Variants in PLRG1 observed in about 807,000 individuals in gnomAD.
The protein encoded by PLRG1 is pleiotropic regulator 1 (PRL1 homolog, Arabidopsis).
PLRG1 carries 28 observed loss-of-function variants against 74.9 expected under a neutral mutation model. The ratio of observed to expected loss-of-function variants is 0.37; its 90% CI spans 0.28 to 0.51. PLRG1 has a LOEUF of 0.51. Among genes scored for constraint, PLRG1 ranks in the 20% least tolerant of loss-of-function variants. The pLI, the probability that PLRG1 is intolerant of heterozygous loss-of-function variation, is 0.91. For missense variants in PLRG1, 445 were observed against 631.9 expected, an observed-to-expected ratio of 0.70 and a Z score of 3.17; for synonymous variants, 197 against 212.4, an observed-to-expected ratio of 0.93 and a Z score of 0.63.
intron 13 of PLRG1, 78 bp downstream of exon 13, chr4:154,537,888 TAGA>T (rs1294620427): frequency 3.7e-6 from 3 of 803,422 alleles, no homozygotes; most frequent in African/African-American, 1.8e-5. Flanking sequence ...TGTGACAGCT[TAGA>T]AGCATTACAA....
rs759834619 is a variant in PLRG1 at position 154,547,823 on chromosome 4, A to G, written c.147T>C (p.Arg49=). The change falls in exon 3 of 15, where the codon CGT becomes CGC. Residue 49 remains arginine (R), a synonymous_variant. Coordinates refer to ENST00000499023, the MANE Select transcript of PLRG1 (RefSeq NM_002669.4). ...TATGCAACACAGGACCATACTCATT[A>G]CGAAGCTTGATTGCCATTTTTCGTT... The part of the protein sequence containing the change: ...SHKRKMAIKL[R]NEYGPVLHMP... The G allele has an allele frequency of 5.0e-6, 8 of 1,609,624 alleles. No individual in the cohort carries two copies. The highest frequency in any genetic ancestry group is 6.8e-6 in the Non-Finnish European group (8 of 1,177,822).
chr4:154,542,160 G>A, intron 8 of PLRG1, 27 bp downstream of exon 8: 1 of 1,336,362 alleles, frequency 7.5e-7, no homozygotes, highest in Non-Finnish European at 1.1e-6. Flanking sequence ...ACAAAGTCAT[G>A]TTTATTTTTT....
At chr4:154,536,947 G>A (rs957578748) in intron 14 of PLRG1, among the ~76,000 whole-genome samples, 2 of 152,026 alleles carry the variant, frequency 1.3e-5, no homozygotes, top group Admixed American at 1.3e-4. Context: ...TGTTTAGTTT[G>A]TAGTTTTCCA....
At chr4:154,545,548 C>G (rs1017821074) in intron 6 of PLRG1, among the ~76,000 whole-genome samples, 3 of 152,004 alleles carry the variant, frequency 2.0e-5, no homozygotes, top group Non-Finnish European at 4.4e-5. Context: ...TCAATACATA[C>G]TAACACAAGT....
intron 5 of PLRG1, 23 bp downstream of exon 5, chr4:154,546,100 T>C: frequency 7.2e-7 from 1 of 1,386,692 alleles, no homozygotes; most frequent in Non-Finnish European, 1.0e-6. Context: ...TTTTAAGATC[T>C]TTGTAATTAT....
At chr4:154,544,148 C>A (rs757887683) in intron 7 of PLRG1, 1 of 197,648 alleles carries the variant, frequency 5.1e-6, no homozygotes, top group African/African-American at 2.3e-5. Flanking sequence ...TTTTCCCCTT[C>A]ACCTTCAAAC....
rs112297925 is a variant in PLRG1, at chr4:154,546,027, A to G, written c.404+96T>C. On this transcript the variant is annotated intron_variant, in intron 5 of 14. Transcript: ENST00000499023. ...AATTGTTATAAAGTCCTGATAAAGG[A>G]AAATGTCATATAATAGTTATAAAGA... 172 of 1,085,444 alleles carry G rather than the reference A, an allele frequency of 1.6e-4. No homozygotes were observed. In the African/African-American group the frequency reaches 2.5e-3, roughly 16 times the overall value. 67.2% of individuals were successfully genotyped at this position (1,085,444 alleles called of 1,614,324 possible). A position where few individuals can be genotyped will look rare whatever the true frequency, so the allele number is the denominator to read the frequency against.
At chr4:154,546,964 A>G in intron 4 of PLRG1, 47 bp downstream of exon 4, 1 of 1,342,116 alleles carries the variant, frequency 7.5e-7, no homozygotes, top group Non-Finnish European at 1.1e-6. Context: ...TAGTGAAAAT[A>G]TATGTGACAT....
intron 12 of PLRG1, 71 bp downstream of exon 12, chr4:154,539,034 C>T (rs931478090): frequency 1.9e-5 from 17 of 903,548 alleles, no homozygotes; most frequent in African/African-American, 1.1e-4. Context: ...GCAGTGCTAA[C>T]ACCACTAGCA....
rs1245181527 is a variant in PLRG1, at chr4:154,535,759, G to A, written c.*926C>T. 1 of 152,040 alleles carries A rather than the reference G, an allele frequency of 6.6e-6. No individual in the cohort carries two copies. Among genetic ancestry groups the A allele is most frequent in the Non-Finnish European group, 1.5e-5 (1 of 67,984 alleles). The allele number at this position is 152,040 out of a possible 1,614,324, so 9.4% of individuals were successfully genotyped here. On this transcript the variant is annotated 3_prime_UTR_variant, in exon 15 of 15. Transcript: ENST00000499023. ...AAATCTCCGCAAGATTGCAGCCCTT[G>A]CTACAGCTTTAAATAGCTGCACTGG...
At chr4:154,540,520 G>A in intron 10 of PLRG1, 74 bp downstream of exon 10, 1 of 913,422 alleles carries the variant, frequency 1.1e-6, no homozygotes, top group Non-Finnish European at 1.8e-6. Context: ...ATCAATTGAA[G>A]ACACTGAAAC....
chr4:154,546,032 G>A (rs1729646145), intron 5 of PLRG1, 91 bp downstream of exon 5: 9 of 1,088,272 alleles, frequency 8.3e-6, no homozygotes, highest in Non-Finnish European at 1.2e-5. Context: ...AAAGGAAAAT[G>A]TCATATAATA....
chr4:154,537,223 T>G, intron 14 of PLRG1, 63 bp downstream of exon 14: 41 of 996,826 alleles, frequency 4.1e-5, no homozygotes, highest in Non-Finnish European at 5.6e-5. Context: ...GATAATTAAA[T>G]GAGAATATGC....
In PLRG1 at chr4:154,535,161, C is replaced by A. The variant is rs973655429; in HGVS notation, c.*1524G>T. On this transcript the variant is annotated 3_prime_UTR_variant, in exon 15 of 15. Transcript: ENST00000499023. Reference sequence around the variant, plus strand: ...ATGTGGTGTTACTTATATTTTAGAGCATCAAGTTGTCCACAAAAATGCTTG... The same window carrying A: ...ATGTGGTGTTACTTATATTTTAGAGAATCAAGTTGTCCACAAAAATGCTTG... 2 of 151,918 alleles carry A rather than the reference C, an allele frequency of 1.3e-5. No individual in the cohort carries two copies. Among genetic ancestry groups the A allele is most frequent in the African/African-American group, 4.8e-5 (2 of 41,352 alleles). The allele number at this position is 151,918 out of a possible 1,614,324, so 9.4% of individuals were successfully genotyped here. A position where few individuals can be genotyped will look rare whatever the true frequency, so the allele number is the denominator to read the frequency against.
chr4:154,549,819 G>C (rs945642380), intron 1 of PLRG1: 2 of 456,118 alleles, frequency 4.4e-6, no homozygotes, highest in African/African-American at 2.0e-5. Flanking sequence ...AAACATGTGG[G>C]GTAAGATGGA....
rs1729541284 is a variant in PLRG1 at position 154,540,710 on chromosome 4, G to A, written c.838-15C>T. On this transcript the variant is annotated splice_polypyrimidine_tract_variant and intron_variant, in intron 9 of 14. Coordinates refer to ENST00000499023, the MANE Select transcript of PLRG1 (RefSeq NM_002669.4). ...TGCCGTATAACCTAAAGACAAAGCA[G>A]GAAAGTTAAAACTTCTAGAATTAGA... 2 of 1,610,918 alleles carry A rather than the reference G, an allele frequency of 1.2e-6. No individual in the cohort carries two copies. The highest frequency in any genetic ancestry group is 2.2e-5 in the South Asian group (2 of 90,960).
At position 154,536,307 on chromosome 4, in the gene PLRG1, A is replaced by AT. The variant is rs1302296443; in HGVS notation, c.*377dup. On this transcript the variant is annotated 3_prime_UTR_variant, in exon 15 of 15. Transcript: ENST00000499023. The stretch of plus-strand genomic sequence containing the variant: ...TCTCAAATTATTAGTCACAGATGTT[A>AT]TTTTTTAAAGGACTAAAAAAAAACT... 1 of 166,612 alleles carries AT rather than the reference A, an allele frequency of 6.0e-6. No homozygotes were observed. The highest frequency in any genetic ancestry group is 1.3e-5 in the Non-Finnish European group (1 of 78,520). The allele number at this position is 166,612 out of a possible 1,614,324, so 10.3% of individuals were successfully genotyped here.
At chr4:154,546,907 G>C (rs1729666332) in intron 4 of PLRG1, 104 bp downstream of exon 4, 2 of 854,996 alleles carry the variant, frequency 2.3e-6, no homozygotes, top group South Asian at 2.7e-5. Flanking sequence ...TGGCTACTGA[G>C]CTTATCTTGC....
At position 154,550,061 on chromosome 4, in the gene PLRG1, C is replaced by G. The variant is rs141455870; in HGVS notation, c.9+239G>C. Among the ~76,000 whole-genome samples the G allele has an allele frequency of 4.5e-3, 693 of 152,340 alleles. 5 individuals carry two copies. The highest frequency in any genetic ancestry group is 8.0e-3 in the Non-Finnish European group (545 of 68,026). On this transcript the variant is annotated intron_variant, in intron 1 of 14. Transcript: ENST00000499023. Reference sequence around the variant, plus strand: ...CACTTTCCAGCTCCCAAGAGTCAAACGAGGACTGGACGAATTATCTCAGGC... The same window carrying G: ...CACTTTCCAGCTCCCAAGAGTCAAAGGAGGACTGGACGAATTATCTCAGGC...
Sources: allele counts gnomAD v4.1 joint callset (sites outside exome capture counted in the v4.1 genomes callset), GRCh38; gene constraint gnomAD v4.1.1; transcripts MANE v1.5; gene names NCBI Gene and HGNC (gene_info 2026-07-23, HGNC 2026-07-21).